Variants in AMPH observed in about 807,000 individuals in gnomAD.
AMPH encodes amphiphysin (Stiff-Mann syndrome with breast cancer 128kD autoantigen).
A neutral mutation model predicts 99.1 loss-of-function variants in AMPH; 49 were observed. The ratio of observed to expected loss-of-function variants is 0.49; its 90% CI spans 0.39 to 0.63. AMPH has a LOEUF of 0.63. Ranked by LOEUF, AMPH falls within the 20% of genes least tolerant of loss-of-function variation. The pLI, the probability that AMPH is intolerant of heterozygous loss-of-function variation, is 0.00. For missense variants in AMPH, 759 were observed against 863.4 expected, an observed-to-expected ratio of 0.88 and a Z score of 1.52; for synonymous variants, 314 against 317.3, an observed-to-expected ratio of 0.99 and a Z score of 0.11.
chr7:38,601,948 C>T (rs1378431446), intron 1 of AMPH, among the ~76,000 whole-genome samples: 1 of 152,158 alleles, frequency 6.6e-6, no homozygotes, highest in African/African-American at 2.4e-5. Flanking sequence ...TTGCTCAGAT[C>T]CCAAAAGCAA....
At chr7:38,625,739 TA>T (rs2129072365) in intron 1 of AMPH, among the ~76,000 whole-genome samples, 1 of 152,208 alleles carries the variant, frequency 6.6e-6, no homozygotes, top group East Asian at 1.9e-4. Flanking sequence ...GAGAGTAAAG[TA>T]ATTTAAAAGG....
At chr7:38,457,110 A>T (rs555128787) in intron 11 of AMPH, among the ~76,000 whole-genome samples, 1 of 152,344 alleles carries the variant, frequency 6.6e-6, no homozygotes, top group South Asian at 2.1e-4. Flanking sequence ...CCTCCCCTAC[A>T]AAAACCAATT....
chr7:38,418,422 G>T (rs900027259), intron 16 of AMPH, among the ~76,000 whole-genome samples: 4 of 152,098 alleles, frequency 2.6e-5, no homozygotes, highest in African/African-American at 9.7e-5. Flanking sequence ...GGAAGAAATC[G>T]CAGGGCACAC....
At chr7:38,431,749 C>G (rs1584082145) in intron 13 of AMPH, among the ~76,000 whole-genome samples, 1 of 151,526 alleles carries the variant, frequency 6.6e-6, no homozygotes, top group Non-Finnish European at 1.5e-5. Flanking sequence ...GGCTCTAAAA[C>G]TCAAGTTCTT....
intron 1 of AMPH, among the ~76,000 whole-genome samples, chr7:38,571,245 T>C (rs1282616853): frequency 6.9e-5 from 6 of 87,554 alleles, no homozygotes; most frequent in Non-Finnish European, 6.0e-5. Context: ...TATATAATTA[T>C]AAATATATAT....
At position 38,534,920 on chromosome 7, in the gene AMPH, A is replaced by C; in HGVS notation, c.150+11T>G. 1 of 1,611,334 alleles carries C rather than the reference A, an allele frequency of 6.2e-7. No individual in the cohort carries two copies. The highest frequency in any genetic ancestry group is 8.5e-7 in the Non-Finnish European group (1 of 1,177,774). Reference sequence around the variant, plus strand: ...AATTTCCCACTCCAGAAACTAAACAAATGGACTCACTTCTTGCCGTTTGAA... The same window carrying C: ...AATTTCCCACTCCAGAAACTAAACACATGGACTCACTTCTTGCCGTTTGAA... On this transcript the variant is annotated intron_variant, in intron 2 of 20. Coordinates refer to ENST00000356264, the MANE Select transcript of AMPH (RefSeq NM_001635.4).
chr7:38,414,140 CAG>C (rs1285042974), intron 17 of AMPH, among the ~76,000 whole-genome samples: 1 of 152,222 alleles, frequency 6.6e-6, no homozygotes, highest in Non-Finnish European at 1.5e-5. Context: ...TCTGTTCAGA[CAG>C]AAATATTCTA....
intron 16 of AMPH, among the ~76,000 whole-genome samples, chr7:38,421,461 C>G (rs550225650): frequency 1.3e-5 from 2 of 152,264 alleles, no homozygotes; most frequent in Admixed American, 6.5e-5. Flanking sequence ...TATTTGCAGG[C>G]CAGAGAGACT....
intron 17 of AMPH, among the ~76,000 whole-genome samples, chr7:38,416,674 G>A (rs1418526334): frequency 6.6e-6 from 1 of 151,908 alleles, no homozygotes; most frequent in African/African-American, 2.4e-5. Context: ...TAAAGCTAAG[G>A]TGAGTAGACA....
intron 12 of AMPH, among the ~76,000 whole-genome samples, chr7:38,433,825 G>A (rs1472656885): frequency 6.6e-6 from 1 of 151,740 alleles, no homozygotes; most frequent in Non-Finnish European, 1.5e-5. Context: ...AAGGAAGGCA[G>A]GAAATATGAA....
intron 11 of AMPH, among the ~76,000 whole-genome samples, chr7:38,459,369 A>G (rs1161745890): frequency 6.6e-6 from 1 of 152,208 alleles, no homozygotes; most frequent in Admixed American, 6.5e-5. Context: ...TGAAACCAAA[A>G]AAAGAGCCAA....
chr7:38,425,594 G>A (rs1785754810), intron 15 of AMPH, among the ~76,000 whole-genome samples: 1 of 152,158 alleles, frequency 6.6e-6, no homozygotes, highest in Admixed American at 6.5e-5. Flanking sequence ...TTGCCTGGAT[G>A]GCTTTGATGG....
At chr7:38,542,723 T>C (rs980177032) in intron 1 of AMPH, among the ~76,000 whole-genome samples, 6 of 152,166 alleles carry the variant, frequency 3.9e-5, no homozygotes, top group African/African-American at 1.4e-4. Flanking sequence ...TGGGAGGCGA[T>C]GCCAGGAGAA....
intron 18 of AMPH, 101 bp downstream of exon 18, chr7:38,393,904 C>T: frequency 9.0e-7 from 1 of 1,117,150 alleles, no homozygotes; most frequent in Non-Finnish European, 1.3e-6. Flanking sequence ...TGCTACAAAC[C>T]TATTATACAT....
intron 1 of AMPH, among the ~76,000 whole-genome samples, chr7:38,554,489 T>TA (rs949405913): frequency 6.6e-5 from 10 of 152,204 alleles, no homozygotes; most frequent in Non-Finnish European, 7.4e-5. Flanking sequence ...AAATATGCTT[T>TA]AAAAAAAATC....
At chr7:38,629,182 A>G (rs6462855) in intron 1 of AMPH, among the ~76,000 whole-genome samples, 115,000 of 152,076 alleles carry the variant, frequency 0.76, 44,578 homozygotes, top group Non-Finnish European at 0.82. Flanking sequence ...TTTCTCCAGC[A>G]GCCTCCATTT....
rs560852477 is a variant in AMPH, at chr7:38,455,121, C to T, written c.1017+6162G>A. On this transcript the variant is annotated intron_variant, in intron 11 of 20. Coordinates refer to ENST00000356264, the MANE Select transcript of AMPH (RefSeq NM_001635.4). ...TGAGATGGAGTTTTGCTCTCGTTGC[C>T]CAGGCTGGAGTGCAACGGCACAATC... Among the ~76,000 whole-genome samples, 13 of 151,752 alleles carry T rather than the reference C, an allele frequency of 8.6e-5. No individual in the cohort carries two copies. In the South Asian group the frequency reaches 2.5e-3, roughly 29 times the overall value.
chr7:38,571,700 T>C (rs1792046893), intron 1 of AMPH, among the ~76,000 whole-genome samples: 1 of 151,486 alleles, frequency 6.6e-6, no homozygotes, highest in East Asian at 1.9e-4. Context: ...GTTTATAAAG[T>C]AAAATGTTAC....
chr7:38,520,799 G>A (rs1308374047), intron 2 of AMPH, among the ~76,000 whole-genome samples: 1 of 152,184 alleles, frequency 6.6e-6, no homozygotes, highest in Non-Finnish European at 1.5e-5. Context: ...GCTGCAGTGA[G>A]GGAAGTGGAA....
Sources: gnomAD v4.1 joint callset for allele counts (sites outside exome capture counted in the v4.1 genomes callset) on GRCh38, gnomAD v4.1.1 for gene constraint, MANE v1.5 for transcripts, NCBI Gene and HGNC (gene_info 2026-07-23, HGNC 2026-07-21) for gene names.